Variants in PKIB observed in about 807,000 individuals in gnomAD.
PKIB encodes PKI-beta.
In PKIB, 2 loss-of-function variants were observed where a neutral mutation model predicts 4.5. The observed-to-expected ratio is 0.44, with a 90% confidence interval of 0.18 to 1.39. The LOEUF (loss-of-function observed/expected upper bound fraction) is 1.39. Among genes scored for constraint, PKIB ranks in the 40% most tolerant of loss-of-function variants. The pLI, the probability that PKIB is intolerant of heterozygous loss-of-function variation, is 0.27. For synonymous variants in PKIB, 38 were observed against 36.0 expected (o/e 1.06, Z -0.20); for missense variants, 94 against 92.6 (o/e 1.02, Z -0.06).
Position 122,726,192 on chromosome 6 carries a change from G to T in PKIB, c.*997G>T, listed in dbSNP as rs1779944595. 6.6e-6 allele frequency: 1 copy of T among 151,934 alleles called. No individual in the cohort carries two copies. The highest frequency in any genetic ancestry group is 2.4e-5 in the African/African-American group (1 of 41,388). The allele number at this position is 151,934 out of a possible 1,614,324, so 9.4% of individuals were successfully genotyped here. On this transcript the variant is annotated 3_prime_UTR_variant, in exon 5 of 5. Coordinates refer to ENST00000368452, the MANE Select transcript of PKIB (RefSeq NM_181795.3). ...TAAAACCAAAGTGTTAGTAAATTTT[G>T]ATTTATTAGATATTTTAGAAAAATA...
At chr6:122,598,785 A>G (rs912830749) in intron 3 of PKIB, among the ~76,000 whole-genome samples, 6 of 152,068 alleles carry the variant, frequency 3.9e-5, no homozygotes, top group South Asian at 4.2e-4. Flanking sequence ...CAGCTAACCA[A>G]ACAAATAAAC....
chr6:122,688,267 G>A (rs1464626927), intron 3 of PKIB, among the ~76,000 whole-genome samples: 3 of 152,080 alleles, frequency 2.0e-5, no homozygotes, highest in Non-Finnish European at 2.9e-5. Flanking sequence ...ATTGATTTGT[G>A]TATGTTGAAC....
At chr6:122,548,091 C>G (rs1772559871) in intron 2 of PKIB, among the ~76,000 whole-genome samples, 1 of 152,172 alleles carries the variant, frequency 6.6e-6, no homozygotes, top group South Asian at 2.1e-4. Flanking sequence ...AGATTTGATT[C>G]ACCGGTTTGG....
intron 2 of PKIB, chr6:122,478,163 C>G (rs1009378708): frequency 6.6e-6 from 1 of 151,880 alleles, no homozygotes; most frequent in Non-Finnish European, 1.5e-5. Flanking sequence ...GGGTCTGTCC[C>G]TTTCCTCCAG....
intron 2 of PKIB, among the ~76,000 whole-genome samples, chr6:122,645,882 A>G (rs1451920384): frequency 2.0e-5 from 3 of 152,190 alleles, no homozygotes; most frequent in East Asian, 1.9e-4. Context: ...TTGAAAACTG[A>G]AAAACTCAAG....
At chr6:122,662,268 C>A (rs991413314) in intron 2 of PKIB, among the ~76,000 whole-genome samples, 1 of 134,328 alleles carries the variant, frequency 7.4e-6, no homozygotes, top group Non-Finnish European at 1.6e-5. Flanking sequence ...ATTGCCTAAA[C>A]CAAGGTCTCT....
chr6:122,530,398 T>C (rs945753475), intron 2 of PKIB, among the ~76,000 whole-genome samples: 1 of 152,180 alleles, frequency 6.6e-6, no homozygotes, highest in African/African-American at 2.4e-5. Flanking sequence ...ATAGTTATTT[T>C]AAATTCATTT....
rs565818763 is a variant in PKIB, at chr6:122,715,709, A to T, written c.-8-2078A>T. ...CTTTAACAAACTTTTAGATATATAT[A>T]TGTATATACACATATTTTTCCCCCT... On this transcript the variant is annotated intron_variant, in intron 3 of 4. Transcript: ENST00000368452. Among the ~76,000 whole-genome samples, 9 of 151,594 alleles carry T rather than the reference A, an allele frequency of 5.9e-5. No individual in the cohort carries two copies. In the East Asian group the frequency reaches 1.5e-3, roughly 26 times the overall value.
chr6:122,716,653 G>T (rs997248200), intron 3 of PKIB, among the ~76,000 whole-genome samples: 1 of 151,896 alleles, frequency 6.6e-6, no homozygotes, highest in African/African-American at 2.4e-5. Context: ...AATGTCAAAT[G>T]CACCATGTTT....
rs761840714 is a variant in PKIB at position 122,576,710 on chromosome 6, A to ATTTTT, written c.-247-9207_-247-9206insTTTTT. ...AAAAAATATATATATATATATATAT[A>ATTTTT]TTTTCTTTTGTATAATTATACCTCA... On this transcript the variant is annotated intron_variant, in intron 2 of 6. Transcript: ENST00000392491. 5.6e-4 allele frequency among the ~76,000 whole-genome samples: 62 copies of ATTTTT among 109,974 alleles called. 2 individuals are homozygous for ATTTTT. Among genetic ancestry groups the ATTTTT allele is most frequent in the East Asian group, 3.2e-3 (10 of 3,112 alleles). The allele number at this position is 109,974 out of a possible 152,430, so 72.1% of individuals were successfully genotyped here.
chr6:122,719,712 CACAT>C (rs1470820217), intron 4 of PKIB, among the ~76,000 whole-genome samples: 5 of 40,800 alleles, frequency 1.2e-4, no homozygotes, highest in South Asian at 6.8e-4. Context: ...GTTCCCACCA[CACAT>C]ACACACACAC....
At chr6:122,487,822 A>G in intron 2 of PKIB, among the ~76,000 whole-genome samples, 1 of 152,188 alleles carries the variant, frequency 6.6e-6, no homozygotes, top group East Asian at 1.9e-4. Flanking sequence ...GAACTAAGTC[A>G]CAGCTTAGGC....
At chr6:122,553,220 A>G (rs1393754428) in intron 2 of PKIB, among the ~76,000 whole-genome samples, 2 of 152,100 alleles carry the variant, frequency 1.3e-5, no homozygotes, top group Non-Finnish European at 2.9e-5. Context: ...GACCACCTGT[A>G]TTCTGCTCCT....
At chr6:122,591,722 AT>A (rs1244986217) in intron 3 of PKIB, among the ~76,000 whole-genome samples, 1 of 151,552 alleles carries the variant, frequency 6.6e-6, no homozygotes, top group Non-Finnish European at 1.5e-5. Flanking sequence ...TATTATTTTT[AT>A]TTTTTTGAGA....
chr6:122,548,355 A>G (rs546901806), intron 2 of PKIB, among the ~76,000 whole-genome samples: 1 of 152,298 alleles, frequency 6.6e-6, no homozygotes, highest in Non-Finnish European at 1.5e-5. Context: ...TAATTTCCCG[A>G]GCCTTTCTAA....
chr6:122,685,968 T>C (rs976950430), intron 3 of PKIB, among the ~76,000 whole-genome samples: 25 of 152,214 alleles, frequency 1.6e-4, no homozygotes, highest in South Asian at 4.1e-4. Flanking sequence ...TCCATCCATG[T>C]TGTTGCAAAC....
At chr6:122,507,147 G>T (rs972575970) in intron 2 of PKIB, among the ~76,000 whole-genome samples, 4 of 152,046 alleles carry the variant, frequency 2.6e-5, no homozygotes, top group African/African-American at 7.2e-5. Context: ...TAGAGTACTG[G>T]TTTTTTATTA....
chr6:122,644,497 A>G (rs1195171696), intron 2 of PKIB: 8 of 152,202 alleles, frequency 5.3e-5, no homozygotes, highest in Admixed American at 3.3e-4. Flanking sequence ...CTAGTAAATT[A>G]ACTTAATCTC....
At chr6:122,480,497 C>G (rs1403727406) in intron 2 of PKIB, 1 of 152,110 alleles carries the variant, frequency 6.6e-6, no homozygotes, top group African/African-American at 2.4e-5. Flanking sequence ...AGAACAACTA[C>G]AATTTATTTA....
Sources: gnomAD v4.1 joint callset for allele counts (sites outside exome capture counted in the v4.1 genomes callset) on GRCh38, gnomAD v4.1.1 for gene constraint, MANE v1.5 for transcripts, NCBI Gene and HGNC (gene_info 2026-07-23, HGNC 2026-07-21) for gene names.